Variants in RBFOX1 observed in about 807,000 individuals in gnomAD.
RBFOX1 encodes RNA binding fox-1 homolog 1, also known as RNA binding protein fox-1 homolog 1.
A neutral mutation model predicts 57.7 loss-of-function variants in RBFOX1; 8 were observed. That is an observed-to-expected ratio of 0.14 (90% CI 0.08 to 0.25). The LOEUF is 0.25. Among genes scored for constraint, RBFOX1 ranks in the 10% least tolerant of loss-of-function variants. The pLI is 1.00. For missense variants in RBFOX1, 611 were observed against 548.5 expected (o/e 1.11, Z -1.14); for synonymous variants, 326 against 222.4 (o/e 1.47, Z -4.15).
At chr16:6,991,096 G>C (rs1258059743) in intron 3 of RBFOX1, among the ~76,000 whole-genome samples, 1 of 122,546 alleles carries the variant, frequency 8.2e-6, no homozygotes, top group African/African-American at 3.1e-5. Context: ...CAGCACAGAA[G>C]TTCGAGGCCA....
intron 3 of RBFOX1, among the ~76,000 whole-genome samples, chr16:6,949,276 C>A (rs373025431): frequency 6.6e-6 from 1 of 152,096 alleles, no homozygotes; most frequent in African/African-American, 2.4e-5. Flanking sequence ...TTTCACAAAA[C>A]AAACCCATAA....
chr16:6,332,870 C>T (rs1169475217), intron 2 of RBFOX1, among the ~76,000 whole-genome samples: 1 of 152,036 alleles, frequency 6.6e-6, no homozygotes, highest in Non-Finnish European at 1.5e-5. Context: ...TTGATGATGC[C>T]CATCTCTTAT....
chr16:7,170,465 A>G (rs2080462407), intron 4 of RBFOX1, among the ~76,000 whole-genome samples: 1 of 151,990 alleles, frequency 6.6e-6, no homozygotes, highest in Non-Finnish European at 1.5e-5. Context: ...TTTCCAAGAT[A>G]GAGTCTTGGC....
chr16:7,044,531 G>A (rs57365842), intron 3 of RBFOX1, among the ~76,000 whole-genome samples: 19,159 of 152,164 alleles, frequency 0.13, 2,094 homozygotes, highest in East Asian at 0.29. Context: ...GTCTCATGCT[G>A]AAGTTTATTG....
chr16:6,747,252 T>A (rs1288373855), intron 3 of RBFOX1, among the ~76,000 whole-genome samples: 1 of 152,018 alleles, frequency 6.6e-6, no homozygotes, highest in Non-Finnish European at 1.5e-5. Context: ...CTACTAAAAA[T>A]ATACAAATTA....
intron 5 of RBFOX1, among the ~76,000 whole-genome samples, chr16:7,557,638 A>AG (rs796073476): frequency 7.9e-5 from 8 of 100,642 alleles, no homozygotes; most frequent in South Asian, 2.5e-4. Context: ...AAAAAAAAAA[A>AG]AAAAGAAAAA....
chr16:5,985,223 A>C (rs1567222186), intron 4 of RBFOX1, among the ~76,000 whole-genome samples: 1 of 151,142 alleles, frequency 6.6e-6, no homozygotes, highest in Admixed American at 6.6e-5. Flanking sequence ...CGATCTCCTG[A>C]CCTCCTGATC....
At chr16:5,682,966 T>C (rs965115064) in intron 3 of RBFOX1, among the ~76,000 whole-genome samples, 1 of 152,218 alleles carries the variant, frequency 6.6e-6, no homozygotes, top group African/African-American at 2.4e-5. Context: ...CTTGAATTGA[T>C]ACTTCAGGAC....
intron 2 of RBFOX1, among the ~76,000 whole-genome samples, chr16:6,445,393 A>G (rs572110157): frequency 1.4e-4 from 21 of 152,120 alleles, no homozygotes; most frequent in Admixed American, 3.9e-4. Flanking sequence ...TTATGCATCT[A>G]AAGCTCAGAG....
intron 1 of RBFOX1, among the ~76,000 whole-genome samples, chr16:5,305,009 G>C (rs1046802743): frequency 2.6e-5 from 4 of 152,116 alleles, no homozygotes; most frequent in Admixed American, 1.3e-4. Flanking sequence ...TGCCTTGGGG[G>C]AGTCTTGCCT....
Position 7,109,784 on chromosome 16 carries a change from G to A in RBFOX1, c.27+57686G>A, listed in dbSNP as rs114205774. On this transcript the variant is annotated intron_variant, in intron 4 of 15. Transcript: ENST00000550418. ...CTCCTTTGAGCAATTTCATTCACTC[G>A]TTTGCTGAACAAACCTGAATTGACA... 2.2e-3 allele frequency among the ~76,000 whole-genome samples: 336 copies of A among 152,184 alleles called. 3 individuals are homozygous for A. Among genetic ancestry groups the A allele is most frequent in the African/African-American group, 7.5e-3 (311 of 41,536 alleles).
intron 3 of RBFOX1, among the ~76,000 whole-genome samples, chr16:5,683,974 C>G (rs1208034956): frequency 3.9e-5 from 6 of 151,920 alleles, no homozygotes; most frequent in Non-Finnish European, 8.8e-5. Flanking sequence ...CTCTGATGGT[C>G]AAGTGGCTCA....
intron 3 of RBFOX1, among the ~76,000 whole-genome samples, chr16:6,806,943 C>T (rs2086984015): frequency 6.7e-6 from 1 of 150,120 alleles, no homozygotes; most frequent in Admixed American, 6.7e-5. Flanking sequence ...AAGTGATTCT[C>T]CTGCCTCAGC....
intron 1 of RBFOX1, among the ~76,000 whole-genome samples, chr16:5,448,994 C>A (rs994679036): frequency 1.3e-5 from 2 of 152,122 alleles, no homozygotes; most frequent in African/African-American, 4.8e-5. Context: ...ACCACAGGGC[C>A]TTTGCACGTG....
intron 4 of RBFOX1, among the ~76,000 whole-genome samples, chr16:5,923,371 G>A (rs1194723611): frequency 1.3e-5 from 2 of 152,072 alleles, no homozygotes; most frequent in African/African-American, 4.8e-5. Flanking sequence ...GAGTCAGAGG[G>A]ATGCCAAAGG....
intron 4 of RBFOX1, among the ~76,000 whole-genome samples, chr16:5,969,325 G>GTTTTTTTTTTTTTTTTTTTTTT (rs1392384342): frequency 1.1e-4 from 13 of 120,646 alleles, no homozygotes; most frequent in Non-Finnish European, 1.3e-4. Flanking sequence ...TTTTTTTTTG[G>GTTTTTTTTTTTTTTTTTTTTTT]TTTGGAAATG....
chr16:5,603,461 G>C (rs1037953231), downstream of RBFOX1, among the ~76,000 whole-genome samples: 15 of 152,162 alleles, frequency 9.9e-5, no homozygotes, highest in African/African-American at 3.6e-4. Context: ...TGAGGGGAAG[G>C]CCAGCAGGTT....
intron 4 of RBFOX1, among the ~76,000 whole-genome samples, chr16:7,397,431 A>G (rs1286690400): frequency 2.6e-5 from 4 of 152,128 alleles, no homozygotes; most frequent in Admixed American, 6.5e-5. Flanking sequence ...AATTCCTCAT[A>G]CTTGTCACAT....
downstream of RBFOX1, among the ~76,000 whole-genome samples, chr16:5,600,428 G>A (rs2047328566): frequency 6.7e-6 from 1 of 150,138 alleles, no homozygotes; most frequent in Non-Finnish European, 1.5e-5. Context: ...GGAGGCTGCA[G>A]TGAGCTATGA....
Sources: gnomAD v4.1 joint callset for allele counts (sites outside exome capture counted in the v4.1 genomes callset) on GRCh38, gnomAD v4.1.1 for gene constraint, MANE v1.5 for transcripts, NCBI Gene and HGNC (gene_info 2026-07-23, HGNC 2026-07-21) for gene names.